The following ATMIN variants were observed in gnomAD, a reference collection of about 807,000 sequenced individuals.
ATMIN encodes the protein ATM INteracting protein.
Under a neutral mutation model 49.2 loss-of-function variants are expected in ATMIN, and 24 were observed. The observed-to-expected ratio is 0.49, with a 90% CI of 0.35 to 0.69. The LOEUF is 0.69. Ranked by LOEUF, ATMIN falls within the 30% of genes least tolerant of loss-of-function variation. The pLI is 0.00. For synonymous variants in ATMIN, 450 were observed against 392.5 expected (o/e 1.15, Z -1.73); for missense variants, 1,037 against 1,005.5 (o/e 1.03, Z -0.42).
chr16:81,037,729 G>T (rs1255226659), intron 1 of ATMIN, among the ~76,000 whole-genome samples: 1 of 151,608 alleles, frequency 6.6e-6, no homozygotes, highest in Non-Finnish European at 1.5e-5. Context: ...TCTGCCTCCG[G>T]GGTTCAAGCA....
rs746891401 is a variant in ATMIN at position 81,044,901 on chromosome 16, G to C, written c.2403G>C (p.Thr801=). The C allele has an allele frequency of 1.2e-6, 2 of 1,614,100 alleles. No individual in the cohort carries two copies. Among genetic ancestry groups the C allele is most frequent in the Middle Eastern group, 1.7e-4 (1 of 6,058 alleles). ...TTCTGGCTGATCTGGCCTGGAACAC[G>C]ATGGAGTCTCAGTTCAGCTCTGTAG... The part of the protein sequence containing the change: ...DFLLADLAWN[T]MESQFSSVET... Residue 801 remains threonine (T), a synonymous_variant, in exon 4 of 4, where the codon ACG becomes ACC. Coordinates refer to ENST00000299575, the MANE Select transcript of ATMIN (RefSeq NM_015251.3).
chr16:81,045,908 A>G lies in ATMIN; in HGVS notation c.*938A>G, dbSNP rs756000487. ...TGAGGTGAGAGGATCACTCGAGGAG[A>G]TTGGGGCTGCCATGAGCCATGGTCT... On this transcript the variant is annotated 3_prime_UTR_variant, in exon 4 of 4. Transcript: ENST00000299575. The G allele has an allele frequency of 6.7e-6, 1 of 148,854 alleles. No individual in the cohort carries two copies. The highest frequency in any genetic ancestry group is 1.5e-5 in the Non-Finnish European group (1 of 67,528). 9.2% of individuals were successfully genotyped at this position (148,854 alleles called of 1,614,324 possible). A position where few individuals can be genotyped will look rare whatever the true frequency, so the allele number is the denominator to read the frequency against.
At position 81,045,825 on chromosome 16, in the gene ATMIN, T is replaced by C. The variant is rs1971109412; in HGVS notation, c.*855T>C. ...AGACCGTGTCTCTGGAATTTTTTTT[T>C]TTTTTTAATTAGCCAGGCACAGTGG... is the stretch of plus-strand genomic sequence containing the variant. On this transcript the variant is annotated 3_prime_UTR_variant, in exon 4 of 4. Coordinates refer to ENST00000299575, the MANE Select transcript of ATMIN (RefSeq NM_015251.3). The C allele has an allele frequency of 6.6e-6, 1 of 151,832 alleles. No homozygotes were observed. Among genetic ancestry groups the C allele is most frequent in the South Asian group, 2.1e-4 (1 of 4,808 alleles). 9.4% of individuals were successfully genotyped at this position (151,832 alleles called of 1,614,324 possible). A position where few individuals can be genotyped will look rare whatever the true frequency, so the allele number is the denominator to read the frequency against.
chr16:81,035,933 C>A lies in ATMIN; in HGVS notation c.63C>A (p.Ala21=), dbSNP rs1407670986. ...GSAALAAGAR[A]VPAATTGAAA... ...CGGCTCTGGCGGCGGGTGCCCGGGCCGTCCCGGCGGCCACGACAGGAGCCG... is the reference window on the plus strand; with the variant it reads ...CGGCTCTGGCGGCGGGTGCCCGGGCAGTCCCGGCGGCCACGACAGGAGCCG... Residue 21 remains alanine (A), a synonymous_variant, in exon 1 of 4, where the codon GCC becomes GCA. Coordinates refer to ENST00000299575, the MANE Select transcript of ATMIN (RefSeq NM_015251.3). 1.0e-6 allele frequency: 1 copy of A among 995,258 alleles called. No individual in the cohort carries two copies. Among genetic ancestry groups the A allele is most frequent in the African/African-American group, 1.8e-5 (1 of 56,914 alleles). The allele number at this position is 995,258 out of a possible 1,614,324, so 61.7% of individuals were successfully genotyped here.
Position 81,046,174 on chromosome 16 carries a change from A to G in ATMIN, c.*1204A>G, listed in dbSNP as rs1278861302. 6.6e-6 allele frequency: 1 copy of G among 152,124 alleles called. No individual in the cohort carries two copies. The highest frequency in any genetic ancestry group is 1.5e-5 in the Non-Finnish European group (1 of 68,032). 9.4% of individuals were successfully genotyped at this position (152,124 alleles called of 1,614,324 possible). ...GCTCTGGAGCTGTTTCCCCAAGTGCATCCACAAGCTGGATCTGAGTTTTGT... is the reference window on the plus strand; with the variant it reads ...GCTCTGGAGCTGTTTCCCCAAGTGCGTCCACAAGCTGGATCTGAGTTTTGT... On this transcript the variant is annotated 3_prime_UTR_variant, in exon 4 of 4. Transcript: ENST00000299575.
Position 81,035,937 on chromosome 16 carries a change from C to T in ATMIN, c.67C>T (p.Pro23Ser). 8.0e-6 allele frequency: 8 copies of T among 999,416 alleles called. No individual in the cohort carries two copies. Among genetic ancestry groups the T allele is most frequent in the Non-Finnish European group, 9.5e-6 (8 of 840,598 alleles). 61.9% of individuals were successfully genotyped at this position (999,416 alleles called of 1,614,324 possible). ...TCTGGCGGCGGGTGCCCGGGCCGTC[C>T]CGGCGGCCACGACAGGAGCCGCCGC... ...AALAAGARAV[P>S]AATTGAAAAA... Residue 23 changes from proline (P) to serine (S), a missense_variant, in exon 1 of 4, where the codon CCG (proline) becomes TCG (serine). By Grantham distance (74) the Pro-to-Ser change is moderately conservative. Coordinates refer to ENST00000299575, the MANE Select transcript of ATMIN (RefSeq NM_015251.3).
At chr16:81,041,215 T>C in intron 1 of ATMIN, 141 bp from the exon 2 acceptor site, 1 of 881,166 alleles carries the variant, frequency 1.1e-6, no homozygotes, top group Non-Finnish European at 1.7e-6. Flanking sequence ...ACTCTTTTTC[T>C]CTTACTGCTG....
At position 81,044,703 on chromosome 16, in the gene ATMIN, A is replaced by G. The variant is rs779022272; in HGVS notation, c.2205A>G (p.Ser735=). ...CCAGCTTTTCCGTGAGTACTGATTC[A>G]TCTGACACAGAGACCCAAACTGAAG... ...KHSSFSVSTD[S]SDTETQTEGV... Residue 735 remains serine, a synonymous_variant, in exon 4 of 4, where the codon TCA becomes TCG. Transcript: ENST00000299575. 3 of 1,614,110 alleles carry G rather than the reference A, an allele frequency of 1.9e-6. No homozygotes were observed. The East Asian group carries it at 6.7e-5, about 36-fold the overall frequency.
rs549686381 is a variant in ATMIN at position 81,035,884 on chromosome 16, A to AGGCGGC, written c.26_31dup (p.Ala9_Ala10dup). 4.5e-5 allele frequency: 43 copies of AGGCGGC among 953,596 alleles called. No homozygotes were observed. The highest frequency in any genetic ancestry group is 1.4e-4 in the South Asian group (3 of 21,466). 59.1% of individuals were successfully genotyped at this position (953,596 alleles called of 1,614,324 possible). On this transcript the variant is annotated inframe_insertion, in exon 1 of 4. Coordinates refer to ENST00000299575, the MANE Select transcript of ATMIN (RefSeq NM_015251.3). ...CGTGCGGGAGCCATGGCGGCCTCGG[A>AGGCGGC]GGCGGCGGCGGCGGCGGGGTCCGCG...
chr16:81,046,467 A>T lies in ATMIN; in HGVS notation c.*1497A>T, dbSNP rs1286559351. 2 of 152,178 alleles carry T rather than the reference A, an allele frequency of 1.3e-5. No individual in the cohort carries two copies. Among genetic ancestry groups the T allele is most frequent in the Non-Finnish European group, 2.9e-5 (2 of 68,038 alleles). The allele number at this position is 152,178 out of a possible 1,614,324, so 9.4% of individuals were successfully genotyped here. A position where few individuals can be genotyped will look rare whatever the true frequency, so the allele number is the denominator to read the frequency against. ...CATTTTGGTTTTTTTTCTTAAGTGA[A>T]TAATACCAGTCTTCAAAGAAAACAA... is the stretch of plus-strand genomic sequence containing the variant. On this transcript the variant is annotated 3_prime_UTR_variant, in exon 4 of 4. Coordinates refer to ENST00000299575, the MANE Select transcript of ATMIN (RefSeq NM_015251.3).
chr16:81,044,715 G>C lies in ATMIN; in HGVS notation c.2217G>C (p.Glu739Asp). The C allele has an allele frequency of 6.2e-7, 1 of 1,614,204 alleles. No homozygotes were observed. Among genetic ancestry groups the C allele is most frequent in the Non-Finnish European group, 8.5e-7 (1 of 1,180,040 alleles). ...TGAGTACTGATTCATCTGACACAGA[G>C]ACCCAAACTGAAGGAGTCTCCACTG... Reference protein sequence around the residue: ...FSVSTDSSDTETQTEGVSTAK... With the variant: ...FSVSTDSSDTDTQTEGVSTAK... Residue 739 changes from glutamate (E) to aspartate (D), a missense_variant, in exon 4 of 4, where the codon GAG becomes GAC. Glu to Asp is a conservative substitution (Grantham distance 45, BLOSUM62 2). Coordinates refer to ENST00000299575, the MANE Select transcript of ATMIN (RefSeq NM_015251.3).
At position 81,043,169 on chromosome 16, in the gene ATMIN, C is replaced by G. The variant is rs1416235821; in HGVS notation, c.671C>G (p.Pro224Arg). The G allele has an allele frequency of 2.5e-6, 4 of 1,598,690 alleles. No individual in the cohort carries two copies. The highest frequency in any genetic ancestry group is 3.4e-6 in the Non-Finnish European group (4 of 1,175,510). Reference sequence around the variant, plus strand: ...TCTGTCATTGTTTTCAGGGACCCACCTAGTAAGAAAAGGAAAATGGAAAAC... The same window carrying G: ...TCTGTCATTGTTTTCAGGGACCCACGTAGTAAGAAAAGGAAAATGGAAAAC... ...HEIPAEHRDP[P>R]SKKRKMENCA... The change falls in exon 4 of 4, where the codon CCT becomes CGT. Residue 224 changes from proline (P) to arginine (R), a missense_variant. By Grantham distance (103) the Pro-to-Arg change is moderately radical. Transcript: ENST00000299575.
chr16:81,040,019 A>G (rs1225993373), intron 1 of ATMIN, among the ~76,000 whole-genome samples: 3 of 152,070 alleles, frequency 2.0e-5, no homozygotes, highest in Admixed American at 6.5e-5. Context: ...AGTTCTTACA[A>G]TCGTTTCTTT....
rs1971079880 is a variant in ATMIN at position 81,044,049 on chromosome 16, T to A, written c.1551T>A (p.Ile517=). 6.2e-7 allele frequency: 1 copy of A among 1,614,036 alleles called. No homozygotes were observed. The highest frequency in any genetic ancestry group is 1.3e-5 in the African/African-American group (1 of 74,910). The change falls in exon 4 of 4, where the codon ATT becomes ATA. Residue 517 remains isoleucine, a synonymous_variant. Coordinates refer to ENST00000299575, the MANE Select transcript of ATMIN (RefSeq NM_015251.3). The part of the protein sequence containing the change: ...QMDQAGMCGD[I]FESVHSSYNV... ...ACCAAGCTGGAATGTGCGGAGACAT[T>A]TTTGAGAGTGTTCATTCATCATATA...
chr16:81,042,195 C>A, intron 2 of ATMIN, 86 bp from the exon 3 acceptor site: 1 of 1,143,972 alleles, frequency 8.7e-7, no homozygotes, highest in Non-Finnish European at 1.3e-6. Flanking sequence ...AGTGTAAAAT[C>A]ATTATTAATT....
chr16:81,044,378 G>A lies in ATMIN; in HGVS notation c.1880G>A (p.Gly627Asp). Residue 627 changes from glycine to aspartate, a missense_variant, in exon 4 of 4, where the codon GGC becomes GAC. By Grantham distance (94) the Gly-to-Asp change is moderately conservative (BLOSUM62 -1). Transcript: ENST00000299575. ...GGACCTGACACCCAGCTCCCATCTG[G>A]CCCAGCCCAGAACCCCGGAATCGAT... is the stretch of plus-strand genomic sequence containing the variant. ...NPGPDTQLPS[G>D]PAQNPGIDFD... 1 of 1,613,974 alleles carries A rather than the reference G, an allele frequency of 6.2e-7. No individual in the cohort carries two copies. The highest frequency in any genetic ancestry group is 8.5e-7 in the Non-Finnish European group (1 of 1,179,988).
rs187488738 is a variant in ATMIN, at chr16:81,042,239, A to C, written c.463-42A>C. ...TGATGGTTTCTGAAATGTTTTGACC[A>C]GTTGCTGTTTTTCACCTTAGTCCCT... On this transcript the variant is annotated intron_variant, in intron 2 of 3. Transcript: ENST00000299575. The C allele has an allele frequency of 6.2e-3, 9,763 of 1,565,580 alleles. 52 individuals carry two copies. Among genetic ancestry groups the C allele is most frequent in the Non-Finnish European group, 6.7e-3 (7,654 of 1,138,824 alleles).
chr16:81,036,164 C>A lies in ATMIN; in HGVS notation c.294C>A (p.Ser98Arg), dbSNP rs778343864. 6.1e-6 allele frequency: 9 copies of A among 1,476,354 alleles called. No homozygotes were observed. Among genetic ancestry groups the A allele is most frequent in the Non-Finnish European group, 8.1e-6 (9 of 1,108,574 alleles). 91.5% of individuals were successfully genotyped at this position (1,476,354 alleles called of 1,614,324 possible). A position where few individuals can be genotyped will look rare whatever the true frequency, so the allele number is the denominator to read the frequency against. ...GCTGCGGCAAGATCCTGCCCAACAG[C>A]CCCGCGCTCAACATGCACCTAGTCA... ...VRGCGKILPN[S>R]PALNMHLVKS... Residue 98 changes from serine (S) to arginine (R), a missense_variant, in exon 1 of 4, where the codon AGC becomes AGA. By Grantham distance (110) the Ser-to-Arg change is moderately radical. Coordinates refer to ENST00000299575, the MANE Select transcript of ATMIN (RefSeq NM_015251.3).
chr16:81,037,592 A>G (rs1970963528), intron 1 of ATMIN: 2 of 741,906 alleles, frequency 2.7e-6, no homozygotes, highest in Non-Finnish European at 3.3e-6. Flanking sequence ...TTTTGTTTTC[A>G]TACTAAATTT....
Sources: allele counts gnomAD v4.1 joint callset (sites outside exome capture counted in the v4.1 genomes callset), GRCh38; gene constraint gnomAD v4.1.1; transcripts MANE v1.5; gene names NCBI Gene and HGNC (gene_info 2026-07-23, HGNC 2026-07-21).